LARGE1: variants seen among roughly 807,000 people sequenced by gnomAD.
LARGE1 encodes xylosyl- and glucuronyltransferase LARGE1.
LARGE1 carries 43 observed loss-of-function variants against 87.6 expected under a neutral mutation model. The observed-to-expected ratio is 0.49, with a 90% CI of 0.38 to 0.63. The LOEUF (loss-of-function observed/expected upper bound fraction) is 0.63, where lower values mean the gene tolerates loss of function less well. Ranked by LOEUF, LARGE1 falls within the 30% of genes least tolerant of loss-of-function variation. The pLI is 0.00. For synonymous variants in LARGE1, 434 were observed against 394.6 expected (o/e 1.10, Z -1.18); for missense variants, 802 against 1,000.2 (o/e 0.80, Z 2.67).
At chr22:33,796,319 C>T (rs972205359) in intron 1 of LARGE1, among the ~76,000 whole-genome samples, 5 of 152,106 alleles carry the variant, frequency 3.3e-5, no homozygotes, top group African/African-American at 4.8e-5. Context: ...GTGGAGAATA[C>T]GCAGCTAGGG....
chr22:33,860,007 C>T (rs1164945246), intron 1 of LARGE1, among the ~76,000 whole-genome samples: 1 of 152,166 alleles, frequency 6.6e-6, no homozygotes, highest in East Asian at 1.9e-4. Context: ...TGCACAATTT[C>T]AGTTCTGCAA....
chr22:33,818,081 T>C (rs921602741), intron 1 of LARGE1, among the ~76,000 whole-genome samples: 1 of 152,142 alleles, frequency 6.6e-6, no homozygotes, highest in African/African-American at 2.4e-5. Context: ...CTTTAGTTTC[T>C]CTCCTGTAAA....
intron 11 of LARGE1, among the ~76,000 whole-genome samples, chr22:33,308,699 T>C (rs1935218721): frequency 6.6e-6 from 1 of 152,090 alleles, no homozygotes; most frequent in African/African-American, 2.4e-5. Flanking sequence ...TCCCTGCTGA[T>C]AGCCAGACAA....
chr22:33,277,546 G>C (rs1025542848), intron 13 of LARGE1, among the ~76,000 whole-genome samples: 2 of 152,164 alleles, frequency 1.3e-5, no homozygotes, highest in African/African-American at 2.4e-5. Context: ...TAGACACAGA[G>C]ACACACAGCA....
intron 1 of LARGE1, among the ~76,000 whole-genome samples, chr22:33,777,178 A>G (rs2085264437): frequency 6.6e-6 from 1 of 152,164 alleles, no homozygotes. Context: ...GGAACCACAC[A>G]GTGTGGCAAC....
chr22:33,502,895 G>C (rs1006937309), intron 6 of LARGE1, among the ~76,000 whole-genome samples: 2 of 146,396 alleles, frequency 1.4e-5, no homozygotes, highest in African/African-American at 2.5e-5. Context: ...AAGAGTCCCT[G>C]CTATGCTCTA....
intron 11 of LARGE1, among the ~76,000 whole-genome samples, chr22:33,246,818 C>T (rs1440247963): frequency 6.6e-6 from 1 of 152,084 alleles, no homozygotes; most frequent in Non-Finnish European, 1.5e-5. Context: ...AACTTTTTAT[C>T]ACTGAAAGCC....
At chr22:33,914,819 A>T (rs1569031493) in intron 1 of LARGE1, among the ~76,000 whole-genome samples, 1 of 152,160 alleles carries the variant, frequency 6.6e-6, no homozygotes, top group Non-Finnish European at 1.5e-5. Context: ...TACTTACAAG[A>T]TCAGTAACAC....
At chr22:33,606,583 C>A (rs888532804) in intron 4 of LARGE1, among the ~76,000 whole-genome samples, 6 of 151,980 alleles carry the variant, frequency 3.9e-5, no homozygotes, top group South Asian at 2.1e-4. Context: ...GTTTCCCGCC[C>A]CCTACCCCGT....
intron 11 of LARGE1, among the ~76,000 whole-genome samples, chr22:33,305,940 G>A (rs547910181): frequency 2.1e-4 from 31 of 149,704 alleles, no homozygotes; most frequent in African/African-American, 7.3e-4. Context: ...CCGGGTTCAC[G>A]CCATTCTCCT....
In LARGE1 at chr22:33,650,424, GC is replaced by G; in HGVS notation, c.350del (p.Gly117AlafsTer106). ...GTGDSENLRAGIVAGNSSECG... is the reference protein window; with the variant it reads ...GTGDSENLRAXIVAGNSSECG... ...ACTCGGAGCTGTTGCCTGCCACGAT[GC>G]CAGCCCGAAGGTTCTCGCTGTCTCC... On this transcript the variant is annotated frameshift_variant, in exon 3 of 15. Transcript: ENST00000397394. LOFTEE classifies it high-confidence loss of function. 1 of 1,614,142 alleles carries G rather than the reference GC, an allele frequency of 6.2e-7. No homozygotes were observed. Among genetic ancestry groups the G allele is most frequent in the Non-Finnish European group, 8.5e-7 (1 of 1,180,044 alleles).
chr22:33,349,231 T>C (rs1238122130), intron 9 of LARGE1, among the ~76,000 whole-genome samples: 1 of 152,198 alleles, frequency 6.6e-6, no homozygotes, highest in East Asian at 1.9e-4. Context: ...ATCCAGCTTG[T>C]AGATGGCAGA....
upstream of LARGE1, among the ~76,000 whole-genome samples, chr22:33,922,088 CG>C (rs2065962963): frequency 2.0e-5 from 3 of 152,102 alleles, no homozygotes; most frequent in South Asian, 6.2e-4. Flanking sequence ...CCCAGCCGGG[CG>C]GGCCGCCGGG....
At chr22:33,783,077 T>C (rs1307062230) in intron 1 of LARGE1, among the ~76,000 whole-genome samples, 1 of 151,936 alleles carries the variant, frequency 6.6e-6, no homozygotes, top group Admixed American at 6.6e-5. Flanking sequence ...AGACTAAGTA[T>C]CCAAAAGGTC....
At chr22:33,138,617 T>C in the LARGE1 span, among the ~76,000 whole-genome samples, 2 of 152,012 alleles carry the variant, frequency 1.3e-5, no homozygotes, top group African/African-American at 4.8e-5. Flanking sequence ...CTATTATTTG[T>C]ATTTTTAGTA....
Position 33,275,012 on chromosome 22 carries a change from T to C in LARGE1, c.2074-388A>G, listed in dbSNP as rs187957213. 8.5e-5 allele frequency among the ~76,000 whole-genome samples: 13 copies of C among 152,304 alleles called. No individual in the cohort carries two copies. In the East Asian group the frequency reaches 1.7e-3, roughly 20 times the overall value. ...CTAGGATGACACACGCCATGGGATA[T>C]TCTCTTGCTCGATTAACTGACATCT... is the stretch of plus-strand genomic sequence containing the variant. On this transcript the variant is annotated intron_variant, in intron 14 of 14. Coordinates refer to ENST00000397394, the MANE Select transcript of LARGE1 (RefSeq NM_133642.5).
chr22:33,373,612 T>C (rs1156561085), intron 9 of LARGE1, among the ~76,000 whole-genome samples: 1 of 150,974 alleles, frequency 6.6e-6, no homozygotes, highest in Non-Finnish European at 1.5e-5. Context: ...CTCTCTCCTT[T>C]AAGTTTTCCA....
chr22:33,202,160 A>G lies in LARGE1; in HGVS notation c.1731-35328T>C, dbSNP rs1484946456. On this transcript the variant is annotated intron_variant, in intron 11 of 11. Transcript: ENST00000608642. ...TGTGCTGAGAAACGTAACAATTGTT[A>G]TTATATTAAGAGCTTAGGTCTGCTT... Among the ~76,000 whole-genome samples, 4 of 152,154 alleles carry G rather than the reference A, an allele frequency of 2.6e-5. No homozygotes were observed. The South Asian group carries it at 6.2e-4, about 24-fold the overall frequency.
At chr22:33,567,539 T>C (rs1433503741) in intron 5 of LARGE1, among the ~76,000 whole-genome samples, 2 of 152,186 alleles carry the variant, frequency 1.3e-5, no homozygotes, top group Non-Finnish European at 2.9e-5. Flanking sequence ...TTAATCGCCA[T>C]GTCACCTTGG....
Sources: gnomAD v4.1 joint callset for allele counts (sites outside exome capture counted in the v4.1 genomes callset) on GRCh38, gnomAD v4.1.1 for gene constraint, MANE v1.5 for transcripts, NCBI Gene and HGNC (gene_info 2026-07-23, HGNC 2026-07-21) for gene names.